CNKSR2: variants seen among roughly 807,000 people sequenced by gnomAD.
CNKSR2 encodes the protein connector enhancer of kinase suppressor of Ras 2.
A neutral mutation model predicts 84.4 loss-of-function variants in CNKSR2; 14 were observed. The observed-to-expected ratio is 0.17, with a 90% confidence interval of 0.11 to 0.26. The LOEUF (loss-of-function observed/expected upper bound fraction) is 0.26. CNKSR2 is among the 10% of genes least tolerant of loss of function. The pLI is 1.00. For synonymous variants in CNKSR2, 275 were observed against 277.9 expected, an observed-to-expected ratio of 0.99 and a Z score of 0.10; for missense variants, 485 against 771.2, an observed-to-expected ratio of 0.63 and a Z score of 4.40.
chrX:21,510,505 G>A (rs1447121188), intron 8 of CNKSR2, among the ~76,000 whole-genome samples: 2 of 111,316 alleles, frequency 1.8e-5, no homozygotes, highest in Admixed American at 9.6e-5. Context: ...ACCAGGGCAA[G>A]TTCTAAAGGG....
chrX:21,540,518 T>A (rs2091967516), intron 11 of CNKSR2, among the ~76,000 whole-genome samples: 1 of 111,966 alleles, frequency 8.9e-6, no homozygotes, highest in Non-Finnish European at 1.9e-5. Flanking sequence ...TAATCCTGCT[T>A]AAATATATTG....
chrX:21,496,712 G>A (rs1435587216), intron 6 of CNKSR2, among the ~76,000 whole-genome samples: 2 of 111,132 alleles, frequency 1.8e-5, no homozygotes, highest in Non-Finnish European at 3.8e-5. Flanking sequence ...TAACATTGTA[G>A]CAATTGCTTC....
chrX:21,455,961 A>G (rs1263254233), intron 4 of CNKSR2, among the ~76,000 whole-genome samples: 1 of 111,486 alleles, frequency 9.0e-6, no homozygotes, highest in Non-Finnish European at 1.9e-5. Context: ...TCTCTTTAAA[A>G]TAAATGCCTT....
chrX:21,426,732 T>G, intron 2 of CNKSR2, 72 bp downstream of exon 2: 2 of 1,063,544 alleles, frequency 1.9e-6, no homozygotes, highest in Non-Finnish European at 2.5e-6. Flanking sequence ...TTTTTTCTTC[T>G]CCTCTTTTGA....
chrX:21,501,816 G>C, intron 8 of CNKSR2, among the ~76,000 whole-genome samples: 1 of 110,100 alleles, frequency 9.1e-6, no homozygotes, highest in East Asian at 2.9e-4. Flanking sequence ...ATACATTTCT[G>C]TATGGAAAAG....
At chrX:21,433,148 A>G (rs1191204918) in intron 3 of CNKSR2, among the ~76,000 whole-genome samples, 1 of 111,601 alleles carries the variant, frequency 9.0e-6, no homozygotes, top group Non-Finnish European at 1.9e-5. Context: ...CTTTATTCAT[A>G]TTAATTGGTT....
At chrX:21,549,169 A>T (rs940953873) in intron 11 of CNKSR2, among the ~76,000 whole-genome samples, 1 of 112,344 alleles carries the variant, frequency 8.9e-6, no homozygotes, top group Non-Finnish European at 1.9e-5. Flanking sequence ...ATATTTAGAA[A>T]ACCCCATCGT....
At chrX:21,484,369 A>G (rs1327969853) in intron 5 of CNKSR2, among the ~76,000 whole-genome samples, 1 of 112,459 alleles carries the variant, frequency 8.9e-6, no homozygotes, top group Non-Finnish European at 1.9e-5. Context: ...TTGAAATATT[A>G]TTTATATCAA....
At position 21,653,041 on chromosome X, in the gene CNKSR2, G is replaced by A. The variant is rs967967694; in HGVS notation, c.*520G>A. 2.7e-5 allele frequency: 3 copies of A among 112,262 alleles called. No individual in the cohort carries two copies. The highest frequency in any genetic ancestry group is 5.6e-5 in the Non-Finnish European group (3 of 53,317). The allele number at this position is 112,262 out of a possible 1,213,427, so 9.3% of individuals were successfully genotyped here. On this transcript the variant is annotated 3_prime_UTR_variant, in exon 22 of 22. Transcript: ENST00000379510. Reference sequence around the variant, plus strand: ...TTGTGAAATGTAGATGCGCATACAAGAGCTAAGCAAAATAGAAGAGCATCG... The same window carrying A: ...TTGTGAAATGTAGATGCGCATACAAAAGCTAAGCAAAATAGAAGAGCATCG...
chrX:21,513,138 CTA>C (rs1001839401), intron 8 of CNKSR2, among the ~76,000 whole-genome samples: 3 of 111,900 alleles, frequency 2.7e-5, no homozygotes, highest in African/African-American at 9.7e-5. Context: ...GGAAATATGA[CTA>C]GAGTTATTGA....
intron 20 of CNKSR2, among the ~76,000 whole-genome samples, chrX:21,631,497 G>A (rs764122879): frequency 7.2e-5 from 8 of 111,420 alleles, no homozygotes; most frequent in Admixed American, 2.9e-4. Flanking sequence ...CTATCATTTG[G>A]TGGAGATATA....
rs886802297 is a variant in CNKSR2, at chrX:21,427,865, A to G, written c.228+1205A>G. The G allele has an allele frequency of 2.7e-5, 3 of 112,212 alleles. No individual in the cohort carries two copies. In the East Asian group the frequency reaches 8.4e-4, roughly 32 times the overall value. 9.2% of individuals were successfully genotyped at this position (112,212 alleles called of 1,213,427 possible). On this transcript the variant is annotated intron_variant, in intron 2 of 21. Coordinates refer to ENST00000379510, the MANE Select transcript of CNKSR2 (RefSeq NM_014927.5). ...GGAAATGAACACTTCTGAGGGATTC[A>G]GGAAGTGTAGGTAAGATATGCATTT...
At chrX:21,541,066 T>C (rs1221503573) in intron 11 of CNKSR2, among the ~76,000 whole-genome samples, 1 of 108,368 alleles carries the variant, frequency 9.2e-6, no homozygotes, top group East Asian at 3.0e-4. Context: ...CACTGCAACC[T>C]CCACTTCCCG....
intron 11 of CNKSR2, among the ~76,000 whole-genome samples, chrX:21,539,356 C>A (rs1000918846): frequency 9.0e-6 from 1 of 110,950 alleles, no homozygotes; most frequent in Non-Finnish European, 1.9e-5. Context: ...TTGTTTGGTT[C>A]TTTTATATGA....
At chrX:21,409,641 T>A (rs2090315310) in intron 1 of CNKSR2, among the ~76,000 whole-genome samples, 1 of 110,829 alleles carries the variant, frequency 9.0e-6, no homozygotes, top group Non-Finnish European at 1.9e-5. Flanking sequence ...ATAAGGAACA[T>A]GAACTTGTTT....
In CNKSR2 at chrX:21,435,047, G is replaced by A. The variant is rs749439570; in HGVS notation, c.431+2233G>A. On this transcript the variant is annotated intron_variant, in intron 3 of 21. Coordinates refer to ENST00000379510, the MANE Select transcript of CNKSR2 (RefSeq NM_014927.5). The stretch of plus-strand genomic sequence containing the variant: ...ATGTTCCTTTATCATGCTACACCTC[G>A]TTTTGAATGCTGACTAATTCTTGAG... 1.2e-4 allele frequency among the ~76,000 whole-genome samples: 13 copies of A among 107,522 alleles called. No homozygotes were observed. The East Asian group carries it at 3.7e-3, about 31-fold the overall frequency. 93.4% of individuals were successfully genotyped at this position (107,522 alleles called of 115,157 possible). A position where few individuals can be genotyped will look rare whatever the true frequency, so the allele number is the denominator to read the frequency against.
At chrX:21,591,709 G>A (rs188858376) in intron 15 of CNKSR2, 1 of 109,804 alleles carries the variant, frequency 9.1e-6, no homozygotes, top group Admixed American at 9.7e-5. Flanking sequence ...TTGGCCCAGT[G>A]GGGGGGTATA....
At chrX:21,377,909 A>G (rs944008028) in intron 1 of CNKSR2, among the ~76,000 whole-genome samples, 3 of 111,822 alleles carry the variant, frequency 2.7e-5, no homozygotes, top group Non-Finnish European at 5.7e-5. Flanking sequence ...CAATGTATAA[A>G]TGGATTCATT....
intron 11 of CNKSR2, among the ~76,000 whole-genome samples, chrX:21,546,661 G>A (rs1017418609): frequency 1.8e-5 from 2 of 111,434 alleles, no homozygotes; most frequent in South Asian, 3.8e-4. Flanking sequence ...GGAAAAAAAG[G>A]TTAAGGGCAG....
Sources: allele counts gnomAD v4.1 joint callset (sites outside exome capture counted in the v4.1 genomes callset), GRCh38; gene constraint gnomAD v4.1.1; transcripts MANE v1.5; gene names NCBI Gene and HGNC (gene_info 2026-07-23, HGNC 2026-07-21).